The following COL15A1 variants were observed in gnomAD, a reference collection of about 807,000 sequenced individuals.
COL15A1 encodes collagen alpha-1(XV) chain.
Under a neutral mutation model 165.9 loss-of-function variants are expected in COL15A1, and 111 were observed. The ratio of observed to expected loss-of-function variants is 0.67; its 90% CI spans 0.57 to 0.78. The LOEUF is 0.78. Ranked by LOEUF, COL15A1 falls within the 30% of genes least tolerant of loss-of-function variation. The pLI is 0.00. For missense variants in COL15A1, 1,745 were observed against 1,789.7 expected (o/e 0.98, Z 0.45); for synonymous variants, 659 against 674.8 (o/e 0.98, Z 0.36).
chr9:98,960,835 A>T (rs1364883955), intron 2 of COL15A1, among the ~76,000 whole-genome samples: 1 of 152,208 alleles, frequency 6.6e-6, no homozygotes, highest in Non-Finnish European at 1.5e-5. Context: ...TGTTGTGCCT[A>T]AGCTGTCCTG....
intron 2 of COL15A1, among the ~76,000 whole-genome samples, chr9:98,980,276 G>A (rs535945826): frequency 2.6e-5 from 4 of 152,360 alleles, no homozygotes; most frequent in Admixed American, 6.5e-5. Context: ...GGGAAGAGAG[G>A]CAAGTGACCC....
chr9:99,004,937 G>A lies in COL15A1; in HGVS notation c.1240G>A (p.Gly414Arg). 1 of 1,614,146 alleles carries A rather than the reference G, an allele frequency of 6.2e-7. No individual in the cohort carries two copies. Among genetic ancestry groups the A allele is most frequent in the Non-Finnish European group, 8.5e-7 (1 of 1,179,996 alleles). Residue 414 changes from glycine to arginine, a missense_variant, in exon 9 of 42, where the codon GGG (glycine) becomes AGG (arginine). Transcript: ENST00000375001. ...NEERLAATAA[G>R]EAEALASMPG... ...AGAGCGTTTAGCAGCAACAGCAGCA[G>A]GGGAGGCCGAGGCACTCGCCAGCAT...
At chr9:98,995,346 C>G (rs1027010641) in intron 5 of COL15A1, among the ~76,000 whole-genome samples, 1 of 152,164 alleles carries the variant, frequency 6.6e-6, no homozygotes, top group African/African-American at 2.4e-5. Flanking sequence ...TGCCACCCCC[C>G]AGTCACCTGG....
intron 6 of COL15A1, among the ~76,000 whole-genome samples, chr9:98,997,479 G>A (rs915537352): frequency 1.3e-5 from 2 of 152,132 alleles, no homozygotes; most frequent in East Asian, 1.9e-4. Context: ...ACAGCATACC[G>A]CCTACTCAGT....
intron 2 of COL15A1, among the ~76,000 whole-genome samples, chr9:98,963,931 AAATG>A (rs1425745520): frequency 6.6e-6 from 1 of 152,260 alleles, no homozygotes; most frequent in Non-Finnish European, 1.5e-5. Flanking sequence ...GTGAATGAAC[AAATG>A]AATGAATGAA....
chr9:98,971,065 T>TCTC (rs1004544615), intron 2 of COL15A1, among the ~76,000 whole-genome samples: 19 of 152,290 alleles, frequency 1.2e-4, no homozygotes, highest in African/African-American at 4.3e-4. Context: ...GGGCAGGACT[T>TCTC]CTGCTAAGGC....
chr9:99,068,977 T>C (rs1201563710), intron 41 of COL15A1, among the ~76,000 whole-genome samples: 1 of 152,232 alleles, frequency 6.6e-6, no homozygotes, highest in Non-Finnish European at 1.5e-5. Context: ...TGTGAAAACA[T>C]ATAGCACGCA....
chr9:99,035,291 T>A, intron 18 of COL15A1, 59 bp from the exon 19 acceptor site: 1 of 1,611,556 alleles, frequency 6.2e-7, no homozygotes. Flanking sequence ...ACACCACACC[T>A]GGCACAAGTA....
chr9:99,044,172 T>A (rs1839457058), intron 24 of COL15A1, among the ~76,000 whole-genome samples: 1 of 152,126 alleles, frequency 6.6e-6, no homozygotes, highest in African/African-American at 2.4e-5. Context: ...GAGCCAGAGC[T>A]TCCTTGAGGG....
intron 9 of COL15A1, among the ~76,000 whole-genome samples, 200 bp from the exon 10 acceptor site, chr9:99,015,217 G>A (rs970097951): frequency 5.9e-5 from 9 of 152,084 alleles, no homozygotes. Context: ...GGACTCTGGG[G>A]TGGGTGGGAG....
chr9:98,998,722 C>G (rs527246613), intron 6 of COL15A1, among the ~76,000 whole-genome samples: 1 of 152,288 alleles, frequency 6.6e-6, no homozygotes, highest in Non-Finnish European at 1.5e-5. Flanking sequence ...GGGGCGAGGG[C>G]TTTCCTAGAC....
At chr9:99,058,106 T>G (rs952551475) in intron 35 of COL15A1, among the ~76,000 whole-genome samples, 1 of 152,212 alleles carries the variant, frequency 6.6e-6, no homozygotes, top group Non-Finnish European at 1.5e-5. Context: ...GCATGCAGTT[T>G]CACGCTTCCT....
chr9:99,035,431 T>A lies in COL15A1; in HGVS notation c.2289+13T>A. 6.2e-7 allele frequency: 1 copy of A among 1,614,078 alleles called. No individual in the cohort carries two copies. The highest frequency in any genetic ancestry group is 2.2e-5 in the East Asian group (1 of 44,868). ...AACGGCTGCAATTGTAGGTCGCCTCTGAAACCTTCATTATGAGGGTTGTCA... is the reference window on the plus strand; with the variant it reads ...AACGGCTGCAATTGTAGGTCGCCTCAGAAACCTTCATTATGAGGGTTGTCA... On this transcript the variant is annotated intron_variant, in intron 19 of 41. Transcript: ENST00000375001.
intron 16 of COL15A1, among the ~76,000 whole-genome samples, chr9:99,028,508 G>A (rs547488172): frequency 2.4e-4 from 37 of 152,126 alleles, no homozygotes; most frequent in Admixed American, 7.9e-4. Context: ...AAAATTAGCC[G>A]GGCGCAGTGG....
chr9:98,975,941 T>C (rs1838135992), intron 2 of COL15A1, among the ~76,000 whole-genome samples: 1 of 152,202 alleles, frequency 6.6e-6, no homozygotes, highest in Non-Finnish European at 1.5e-5. Context: ...CTAGAAGGAA[T>C]AGCATGAGTG....
intron 40 of COL15A1, 49 bp downstream of exon 40, chr9:99,067,116 C>A: frequency 1.3e-6 from 2 of 1,517,222 alleles, no homozygotes; most frequent in Non-Finnish European, 1.8e-6. Flanking sequence ...TTGGTCGCTA[C>A]AGGGCCTGGA....
Position 98,985,946 on chromosome 9 carries a change from G to A in COL15A1, c.482G>A (p.Trp161Ter). Residue 161 changes from tryptophan (W) to a stop codon, truncating the protein, a stop_gained, in exon 3 of 42, where the codon TGG becomes TAG. Coordinates refer to ENST00000375001, the MANE Select transcript of COL15A1 (RefSeq NM_001855.5). LOFTEE classifies it high-confidence loss of function. ...TCGGTGCCTGTGATGACCCACAGGT[G>A]GAACCGCTTCGCCATGATTGTCCAG... The part of the protein sequence containing the change: ...AFSVPVMTHR[W>*]NRFAMIVQGE... 6.2e-7 allele frequency: 1 copy of A among 1,614,022 alleles called. No homozygotes were observed. Among genetic ancestry groups the A allele is most frequent in the Non-Finnish European group, 8.5e-7 (1 of 1,180,014 alleles).
chr9:98,957,014 C>A (rs1025552847), intron 2 of COL15A1, among the ~76,000 whole-genome samples: 2 of 152,212 alleles, frequency 1.3e-5, no homozygotes, highest in African/African-American at 4.8e-5. Flanking sequence ...CTCTGAAGGA[C>A]CCACAGCCTA....
chr9:99,067,610 C>T (rs1447055447), intron 40 of COL15A1, among the ~76,000 whole-genome samples: 1 of 152,188 alleles, frequency 6.6e-6, no homozygotes, highest in Non-Finnish European at 1.5e-5. Flanking sequence ...CGTTGCCACT[C>T]ACATACACCG....
Sources: gnomAD v4.1 joint callset for allele counts (sites outside exome capture counted in the v4.1 genomes callset) on GRCh38, gnomAD v4.1.1 for gene constraint, MANE v1.5 for transcripts, NCBI Gene and HGNC (gene_info 2026-07-23, HGNC 2026-07-21) for gene names.